The following PHF21A variants were observed in gnomAD, a reference collection of about 807,000 sequenced individuals.
PHF21A encodes the protein BHC80a.
Under a neutral mutation model 82.5 loss-of-function variants are expected in PHF21A, and 11 were observed. That is an observed-to-expected ratio of 0.13 (90% CI 0.08 to 0.22). The LOEUF is 0.22. Ranked by LOEUF, PHF21A falls within the 10% of genes least tolerant of loss-of-function variation. The pLI is 1.00. For missense variants in PHF21A, 579 were observed against 837.8 expected, an observed-to-expected ratio of 0.69 and a Z score of 3.81; for synonymous variants, 297 against 302.8, an observed-to-expected ratio of 0.98 and a Z score of 0.20.
chr11:45,969,966 T>C, intron 8 of PHF21A, 62 bp from the exon 9 acceptor site: 3 of 1,030,668 alleles, frequency 2.9e-6, no homozygotes, highest in South Asian at 1.3e-5. Flanking sequence ...TCAAAGCTAG[T>C]ATTTTTAGCA....
At chr11:46,100,201 C>T (rs1191591907) in intron 1 of PHF21A, among the ~76,000 whole-genome samples, 2 of 152,012 alleles carry the variant, frequency 1.3e-5, no homozygotes, top group African/African-American at 4.8e-5. Flanking sequence ...GATATTAATG[C>T]TAGCCTTTAA....
intron 7 of PHF21A, among the ~76,000 whole-genome samples, chr11:45,973,079 A>C (rs762887659): frequency 3.1e-4 from 47 of 151,606 alleles, no homozygotes; most frequent in Non-Finnish European, 5.6e-4. Flanking sequence ...ACTTCGTCTC[A>C]AAAAAAAATA....
intron 6 of PHF21A, among the ~76,000 whole-genome samples, chr11:45,989,957 A>C (rs2094626393): frequency 6.6e-6 from 1 of 152,156 alleles, no homozygotes; most frequent in Admixed American, 6.6e-5. Context: ...GTGCCACTGC[A>C]CTTCAGCCTG....
chr11:46,116,981 T>C (rs995440075), intron 1 of PHF21A: 2 of 152,044 alleles, frequency 1.3e-5, no homozygotes, highest in African/African-American at 4.8e-5. Context: ...AATAAAAAAA[T>C]AAAAAAACTA....
intron 10 of PHF21A, among the ~76,000 whole-genome samples, chr11:45,957,619 T>C (rs1459186824): frequency 1.3e-5 from 2 of 151,866 alleles, no homozygotes; most frequent in East Asian, 1.9e-4. Flanking sequence ...CCAAAACTTA[T>C]GCGATGCTGT....
At chr11:46,119,540 C>G (rs1852394684) in intron 1 of PHF21A, among the ~76,000 whole-genome samples, 2 of 152,140 alleles carry the variant, frequency 1.3e-5, no homozygotes, top group African/African-American at 4.8e-5. Context: ...CATTAGCAGT[C>G]GTACCCTCAT....
At chr11:45,957,375 T>C (rs541779585) in intron 10 of PHF21A, among the ~76,000 whole-genome samples, 1 of 152,306 alleles carries the variant, frequency 6.6e-6, no homozygotes, top group South Asian at 2.1e-4. Context: ...GGACAGATTA[T>C]ATGTTAGGCC....
intron 6 of PHF21A, among the ~76,000 whole-genome samples, chr11:46,051,052 T>C (rs1014399314): frequency 5.9e-5 from 9 of 152,182 alleles, no homozygotes; most frequent in Non-Finnish European, 1.3e-4. Context: ...CATCAGCAGA[T>C]TGTACTCCTT....
chr11:46,120,135 TCA>T (rs911282519), intron 1 of PHF21A, among the ~76,000 whole-genome samples: 8 of 146,916 alleles, frequency 5.4e-5, no homozygotes, highest in Admixed American at 2.0e-4. Context: ...ACACTCACAC[TCA>T]CACACACACA....
rs183213772 is a variant in PHF21A, at chr11:46,084,374, G to A, written c.-83-72C>T. On this transcript the variant is annotated intron_variant, in intron 3 of 18. Coordinates refer to ENST00000676320, the MANE Select transcript of PHF21A (RefSeq NM_001352027.3). ...ATAATATTTATGTTAAATAAATTAT[G>A]TTAGTAAAAGAATATCTGATTCTCT... 1,266 of 520,186 alleles carry A rather than the reference G, an allele frequency of 2.4e-3. 11 individuals are homozygous for A. The highest frequency in any genetic ancestry group is 0.023 in the African/African-American group (1,162 of 49,592). 32.2% of individuals were successfully genotyped at this position (520,186 alleles called of 1,614,324 possible).
At chr11:46,047,961 T>C (rs990315994) in intron 6 of PHF21A, among the ~76,000 whole-genome samples, 1 of 152,250 alleles carries the variant, frequency 6.6e-6, no homozygotes, top group African/African-American at 2.4e-5. Flanking sequence ...AAATGAAATA[T>C]GTAATACTTT....
chr11:46,055,401 T>C (rs2096438233), intron 6 of PHF21A, among the ~76,000 whole-genome samples: 2 of 152,204 alleles, frequency 1.3e-5, no homozygotes, highest in Admixed American at 1.3e-4. Flanking sequence ...TCTTGATAAC[T>C]GTTCTACAAC....
intron 14 of PHF21A, 23 bp downstream of exon 14, chr11:45,948,860 AGGG>A (rs1357765217): frequency 1.9e-6 from 3 of 1,583,346 alleles, no homozygotes; most frequent in Non-Finnish European, 2.6e-6. Context: ...AACAGCAGCA[AGGG>A]AGAGATACAA....
chr11:46,052,617 G>A (rs1163414444), intron 6 of PHF21A, among the ~76,000 whole-genome samples: 1 of 152,176 alleles, frequency 6.6e-6, no homozygotes, highest in Non-Finnish European at 1.5e-5. Flanking sequence ...AGAAGGTAGG[G>A]ATAGAAGAAG....
At chr11:46,102,504 CA>C (rs2097108339) in intron 1 of PHF21A, among the ~76,000 whole-genome samples, 1 of 152,178 alleles carries the variant, frequency 6.6e-6, no homozygotes. Flanking sequence ...ATTAATAAAT[CA>C]AAATATTTTA....
In PHF21A at chr11:46,021,530, G is replaced by A. The variant is rs12274475; in HGVS notation, c.154-41564C>T. Among the ~76,000 whole-genome samples, 930 of 152,018 alleles carry A rather than the reference G, an allele frequency of 6.1e-3. 11 individuals carry two copies. The highest frequency in any genetic ancestry group is 0.021 in the African/African-American group (867 of 41,460). On this transcript the variant is annotated intron_variant, in intron 6 of 18. Transcript: ENST00000676320. ...AGACCCTTATTGCACATGTGTGTGC[G>A]TGCATGTGTGTGTGCATGTGTGTGT...
chr11:46,012,651 T>C (rs868200813), intron 6 of PHF21A, among the ~76,000 whole-genome samples: 2 of 152,196 alleles, frequency 1.3e-5, no homozygotes, highest in Admixed American at 6.5e-5. Flanking sequence ...GCACAGTGCC[T>C]AGAACATAGT....
intron 7 of PHF21A, among the ~76,000 whole-genome samples, chr11:45,976,370 C>T (rs1209541629): frequency 1.3e-5 from 2 of 152,118 alleles, no homozygotes; most frequent in Admixed American, 6.5e-5. Flanking sequence ...AAAATAGAAA[C>T]TCTCTGATTT....
chr11:45,940,040 C>T (rs2090040898), intron 15 of PHF21A, among the ~76,000 whole-genome samples: 1 of 152,068 alleles, frequency 6.6e-6, no homozygotes, highest in Admixed American at 6.6e-5. Flanking sequence ...ATGATGTAAT[C>T]CCTCCACCAC....
Sources: gnomAD v4.1 joint callset for allele counts (sites outside exome capture counted in the v4.1 genomes callset) on GRCh38, gnomAD v4.1.1 for gene constraint, MANE v1.5 for transcripts, NCBI Gene and HGNC (gene_info 2026-07-23, HGNC 2026-07-21) for gene names.